The following UBTD1 variants were observed in gnomAD, a reference collection of about 807,000 sequenced individuals.
UBTD1 encodes ubiquitin domain-containing protein 1.
UBTD1 carries 19 observed loss-of-function variants against 21.7 expected under a neutral mutation model. The ratio of observed to expected loss-of-function variants is 0.87; its 90% confidence interval spans 0.61 to 1.28. The LOEUF (loss-of-function observed/expected upper bound fraction) is 1.28. Among genes scored for constraint, UBTD1 ranks in the 50% most tolerant of loss-of-function variants. The pLI, the probability that UBTD1 is intolerant of heterozygous loss-of-function variation, is 0.00. For missense variants in UBTD1, 282 were observed against 315.1 expected (o/e 0.89, Z 0.80); for synonymous variants, 116 against 135.1 (o/e 0.86, Z 0.98).
intron 1 of UBTD1, among the ~76,000 whole-genome samples, chr10:97,535,231 C>T (rs188173423): frequency 1.4e-4 from 21 of 152,312 alleles, no homozygotes; most frequent in Middle Eastern, 3.4e-3. Context: ...TCCGTGTGAA[C>T]GGCTAGTTCC....
At position 97,565,443 on chromosome 10, in the gene UBTD1, T is replaced by C. The variant is rs530341660; in HGVS notation, c.71-2471T>C. On this transcript the variant is annotated intron_variant, in intron 1 of 2. Coordinates refer to ENST00000370664, the MANE Select transcript of UBTD1 (RefSeq NM_024954.5). ...TGGACATCTCCATGATTTCTTTGAA[T>C]GTTGCTTCCTTCCCATTTTCCCTAT... Among the ~76,000 whole-genome samples the C allele has an allele frequency of 1.6e-3, 246 of 152,346 alleles. 5 individuals carry two copies. The highest frequency in any genetic ancestry group is 2.0e-3 in the Admixed American group (30 of 15,302).
At chr10:97,528,206 G>C (rs2040501474) in intron 1 of UBTD1, among the ~76,000 whole-genome samples, 2 of 82,512 alleles carry the variant, frequency 2.4e-5, no homozygotes, top group African/African-American at 8.3e-5. Context: ...TGGACGGGGC[G>C]GCTGGCCGGG....
chr10:97,528,781 C>A (rs2040507830), intron 1 of UBTD1, among the ~76,000 whole-genome samples: 1 of 138,200 alleles, frequency 7.2e-6, no homozygotes, highest in Non-Finnish European at 1.6e-5. Context: ...CTGACTCCCC[C>A]ACCTCCCTCC....
chr10:97,518,512 T>G (rs10882950), intron 1 of UBTD1, among the ~76,000 whole-genome samples: 6 of 152,082 alleles, frequency 3.9e-5, no homozygotes, highest in Non-Finnish European at 2.9e-5. Flanking sequence ...CCAGCCCGTT[T>G]GGCTATTTCT....
chr10:97,552,413 T>TTG (rs2040643656), intron 1 of UBTD1, among the ~76,000 whole-genome samples: 7 of 136,156 alleles, frequency 5.1e-5, no homozygotes, highest in Non-Finnish European at 9.5e-5. Context: ...TTTTTTTTTT[T>TTG]GAAACACAGT....
At chr10:97,545,628 A>C (rs1239074907) in intron 1 of UBTD1, among the ~76,000 whole-genome samples, 1 of 152,014 alleles carries the variant, frequency 6.6e-6, no homozygotes, top group Non-Finnish European at 1.5e-5. Context: ...GGCTGGGAAC[A>C]CTCCCTGCCT....
chr10:97,534,212 T>A (rs887130850), intron 1 of UBTD1, among the ~76,000 whole-genome samples: 1 of 152,176 alleles, frequency 6.6e-6, no homozygotes, highest in Non-Finnish European at 1.5e-5. Context: ...AAACCAGAGC[T>A]CTCACCACCT....
intron 1 of UBTD1, among the ~76,000 whole-genome samples, chr10:97,545,624 G>A (rs1480699794): frequency 2.0e-5 from 3 of 152,140 alleles, no homozygotes; most frequent in African/African-American, 7.2e-5. Flanking sequence ...GTGTGGCTGG[G>A]AACACTCCCT....
At position 97,570,069 on chromosome 10, in the gene UBTD1, G is replaced by A. The variant is rs891760017; in HGVS notation, c.299-69G>A. ...TAGAGTTTCACCATATGAATTTGGG[G>A]GGACCCAAACATTTAATCCATGATA... On this transcript the variant is annotated intron_variant, in intron 2 of 2. Coordinates refer to ENST00000370664, the MANE Select transcript of UBTD1 (RefSeq NM_024954.5). The surrounding 1 kb of genome is among the most constrained non-coding windows in gnomAD (Gnocchi z 6.6). 2.6e-6 allele frequency: 4 copies of A among 1,524,978 alleles called. No individual in the cohort carries two copies. The highest frequency in any genetic ancestry group is 2.6e-6 in the Non-Finnish European group (3 of 1,135,762). 94.5% of individuals were successfully genotyped at this position (1,524,978 alleles called of 1,614,324 possible).
intron 1 of UBTD1, among the ~76,000 whole-genome samples, chr10:97,505,557 T>C (rs1343949051): frequency 6.6e-6 from 1 of 152,242 alleles, no homozygotes. Context: ...GGTTTAAAAA[T>C]TACTTTCATG....
intron 1 of UBTD1, among the ~76,000 whole-genome samples, chr10:97,513,575 G>A (rs923666869): frequency 6.6e-6 from 1 of 152,168 alleles, no homozygotes; most frequent in Non-Finnish European, 1.5e-5. Context: ...TTGGAGAGAA[G>A]CAAGCAGTAC....
intron 1 of UBTD1, among the ~76,000 whole-genome samples, chr10:97,553,477 T>C (rs560262220): frequency 6.6e-6 from 1 of 152,384 alleles, no homozygotes; most frequent in African/African-American, 2.4e-5. Context: ...CATCGACTTG[T>C]CTATATGCTT....
intron 1 of UBTD1, among the ~76,000 whole-genome samples, chr10:97,524,295 C>A (rs1415953679): frequency 1.3e-5 from 2 of 151,538 alleles, no homozygotes; most frequent in Non-Finnish European, 2.9e-5. Context: ...GCGGGGGGGT[C>A]TCACTATGTT....
At chr10:97,521,465 GA>G (rs767069891) in intron 1 of UBTD1, among the ~76,000 whole-genome samples, 7 of 152,222 alleles carry the variant, frequency 4.6e-5, no homozygotes, top group Non-Finnish European at 8.8e-5. Context: ...CAGGGGTGGT[GA>G]GGGTCACTCC....
At chr10:97,557,060 C>A (rs2040667519) in intron 1 of UBTD1, among the ~76,000 whole-genome samples, 2 of 152,178 alleles carry the variant, frequency 1.3e-5, no homozygotes, top group Non-Finnish European at 2.9e-5. Flanking sequence ...AAGAATTCAT[C>A]AGGAACTGGG....
At chr10:97,558,521 C>T (rs1009727860) in intron 1 of UBTD1, among the ~76,000 whole-genome samples, 8 of 152,156 alleles carry the variant, frequency 5.3e-5, no homozygotes, top group African/African-American at 1.9e-4. Flanking sequence ...AGACCACTGC[C>T]CTTGGCCAGG....
intron 1 of UBTD1, among the ~76,000 whole-genome samples, chr10:97,556,306 T>C (rs11814566): frequency 0.6 from 86,266 of 144,492 alleles, 27,126 homozygotes; most frequent in Non-Finnish European, 0.75. Context: ...TTGCCTGTGA[T>C]CATCTATGTG....
At chr10:97,525,562 T>A (rs536586125) in intron 1 of UBTD1, among the ~76,000 whole-genome samples, 1 of 152,292 alleles carries the variant, frequency 6.6e-6, no homozygotes, top group African/African-American at 2.4e-5. Flanking sequence ...CTGAGCCTAG[T>A]GGAAGTGAGT....
At chr10:97,552,185 C>T (rs965277062) in intron 1 of UBTD1, among the ~76,000 whole-genome samples, 4 of 150,312 alleles carry the variant, frequency 2.7e-5, no homozygotes, top group African/African-American at 7.4e-5. Flanking sequence ...GGCAACATGG[C>T]GAGACCCCAT....
Sources: gnomAD v4.1 joint callset for allele counts (sites outside exome capture counted in the v4.1 genomes callset) on GRCh38, gnomAD v4.1.1 for gene constraint, Gnocchi (gnomAD v3.1) non-coding constraint, MANE v1.5 for transcripts, NCBI Gene and HGNC (gene_info 2026-07-23, HGNC 2026-07-21) for gene names.